SLC6A6: variants seen among roughly 807,000 people sequenced by gnomAD.
The protein encoded by SLC6A6 is solute carrier family 6 member 6, also known as sodium- and chloride-dependent taurine transporter.
Under a neutral mutation model 68.8 loss-of-function variants are expected in SLC6A6, and 16 were observed. The ratio of observed to expected loss-of-function variants is 0.23; its 90% CI spans 0.16 to 0.35. SLC6A6 has a LOEUF of 0.35. Among genes scored for constraint, SLC6A6 ranks in the 10% least tolerant of loss-of-function variants. The probability of loss-of-function intolerance (pLI) is 1.00; values close to 1 mark genes in which losing one functional copy is unlikely to be tolerated. For synonymous variants in SLC6A6, 312 were observed against 315.4 expected (o/e 0.99, Z 0.12); for missense variants, 474 against 802.8 (o/e 0.59, Z 4.95).
chr3:14,443,489 A>G, intron 2 of SLC6A6, 135 bp from the exon 3 acceptor site: 2 of 633,004 alleles, frequency 3.2e-6, no homozygotes, highest in South Asian at 1.9e-5. Context: ...CATTGGACAG[A>G]CAGGGATGCC....
chr3:14,434,229 C>G (rs1381835208), intron 2 of SLC6A6, among the ~76,000 whole-genome samples: 1 of 152,182 alleles, frequency 6.6e-6, no homozygotes, highest in African/African-American at 2.4e-5. Flanking sequence ...CTTTACTTCT[C>G]TGGGCCTCTT....
In SLC6A6 at chr3:14,472,324, A is replaced by G. The variant is rs1243001039; in HGVS notation, c.1209+7A>G. 2.0e-6 allele frequency: 3 copies of G among 1,536,728 alleles called. No homozygotes were observed. Among genetic ancestry groups the G allele is most frequent in the Non-Finnish European group, 2.7e-6 (3 of 1,109,562 alleles). ...GCTTGGACTGGATAGCCAGGTGCGT[A>G]TAAGGGATGGCCCTGGGGCGACTGC... On this transcript the variant is annotated splice_region_variant and intron_variant, in intron 10 of 14. Transcript: ENST00000622186. This position sits in a 1 kb window ranked among gnomAD's most constrained non-coding sequence, Gnocchi z 4.5.
chr3:14,404,064 C>G (rs1699049541), intron 1 of SLC6A6, among the ~76,000 whole-genome samples: 1 of 152,228 alleles, frequency 6.6e-6, no homozygotes, highest in Non-Finnish European at 1.5e-5. Context: ...AATGGAGGGT[C>G]TTCGGGCTGA....
intron 2 of SLC6A6, 137 bp downstream of exon 2, chr3:14,416,590 G>A: frequency 2.5e-6 from 1 of 395,556 alleles, no homozygotes; most frequent in East Asian, 3.6e-5. Flanking sequence ...CACAGACCTT[G>A]TCCACACCTC....
Position 14,458,102 on chromosome 3 carries a change from G to A in SLC6A6, c.732+20G>A, listed in dbSNP as rs533640088. The A allele has an allele frequency of 3.4e-4, 542 of 1,610,042 alleles. 7 individuals are homozygous for A. The South Asian group carries it at 5.4e-3, about 16-fold the overall frequency. On this transcript the variant is annotated intron_variant, in intron 6 of 14. Coordinates refer to ENST00000622186, the MANE Select transcript of SLC6A6 (RefSeq NM_003043.6). ...GGGAAGGTAAGTTGGACTTCTGTCC[G>A]TCCCCTGCCTCCTGGAGAGCTGTGC... is the stretch of plus-strand genomic sequence containing the variant.
rs1023985110 is a variant in SLC6A6 at position 14,402,725 on chromosome 3, C to T, written c.-176C>T. Reference sequence around the variant, plus strand: ...GAGGACCGCAAGCCCAGAGGACAAGCTGCGCCAAGAGGGAGTGCGGAGCGT... The same window carrying T: ...GAGGACCGCAAGCCCAGAGGACAAGTTGCGCCAAGAGGGAGTGCGGAGCGT... On this transcript the variant is annotated 5_prime_UTR_variant, in exon 1 of 15. Coordinates refer to ENST00000622186, the MANE Select transcript of SLC6A6 (RefSeq NM_003043.6). The surrounding 1 kb of genome is among the most constrained non-coding windows in gnomAD (Gnocchi z 4.8). 7.5e-6 allele frequency: 3 copies of T among 398,102 alleles called. No homozygotes were observed. The highest frequency in any genetic ancestry group is 6.2e-5 in the African/African-American group (3 of 48,614). 24.7% of individuals were successfully genotyped at this position (398,102 alleles called of 1,614,324 possible). A position where few individuals can be genotyped will look rare whatever the true frequency, so the allele number is the denominator to read the frequency against.
chr3:14,428,770 G>T (rs981696896), intron 2 of SLC6A6, among the ~76,000 whole-genome samples: 1 of 152,158 alleles, frequency 6.6e-6, no homozygotes. Flanking sequence ...CAGAGCCTCC[G>T]CTGGCCTTTC....
At chr3:14,449,492 C>G (rs970439434) in intron 5 of SLC6A6, among the ~76,000 whole-genome samples, 3 of 152,216 alleles carry the variant, frequency 2.0e-5, no homozygotes, top group African/African-American at 7.2e-5. Context: ...GGGCCTTCCC[C>G]ACTCCTGGAC....
intron 2 of SLC6A6, among the ~76,000 whole-genome samples, chr3:14,433,056 G>A (rs528670000): frequency 2.0e-5 from 3 of 151,752 alleles, no homozygotes; most frequent in African/African-American, 7.3e-5. Context: ...TTAACAAAAC[G>A]AGCCCCTCCC....
Position 14,485,027 on chromosome 3 carries a change from G to A in SLC6A6, c.*20G>A. ...ATGTGAGCTCTCTCGGGTCGACGGG[G>A]CCGGCGGCTTTCCTGCTGTTTACTA... On this transcript the variant is annotated 3_prime_UTR_variant, in exon 15 of 15. Coordinates refer to ENST00000622186, the MANE Select transcript of SLC6A6 (RefSeq NM_003043.6). 1.3e-6 allele frequency: 2 copies of A among 1,591,268 alleles called. No individual in the cohort carries two copies. The highest frequency in any genetic ancestry group is 1.7e-6 in the Non-Finnish European group (2 of 1,163,406).
chr3:14,470,789 G>C (rs1379027203), intron 9 of SLC6A6, among the ~76,000 whole-genome samples: 2 of 152,128 alleles, frequency 1.3e-5, no homozygotes, highest in Non-Finnish European at 2.9e-5. Flanking sequence ...CGGGTCCTGG[G>C]GTCCATATTT....
intron 11 of SLC6A6, 37 bp from the exon 12 acceptor site, chr3:14,478,429 G>A (rs1178771963): frequency 1.2e-5 from 15 of 1,298,614 alleles, no homozygotes; most frequent in Middle Eastern, 1.8e-4. Context: ...TGGAGACCAG[G>A]TAGGAAATCG....
At chr3:14,474,737 C>T (rs1156609695) in intron 10 of SLC6A6, among the ~76,000 whole-genome samples, 1 of 152,240 alleles carries the variant, frequency 6.6e-6, no homozygotes, top group Non-Finnish European at 1.5e-5. Flanking sequence ...TGTCTCTTAC[C>T]TGCTAGTTTG....
At chr3:14,425,801 T>G (rs916808913) in intron 2 of SLC6A6, among the ~76,000 whole-genome samples, 2 of 152,144 alleles carry the variant, frequency 1.3e-5, no homozygotes, top group Non-Finnish European at 2.9e-5. Flanking sequence ...ATCAGTTTCA[T>G]TGAGATTGGT....
At chr3:14,409,421 C>G (rs974494621) in intron 1 of SLC6A6, among the ~76,000 whole-genome samples, 2 of 152,214 alleles carry the variant, frequency 1.3e-5, no homozygotes, top group African/African-American at 4.8e-5. Flanking sequence ...GGTGCTTTAT[C>G]CCCCTTCCTG....
chr3:14,468,554 C>T lies in SLC6A6; in HGVS notation c.1096+342C>T, dbSNP rs1700678655. Among the ~76,000 whole-genome samples, 1 of 152,074 alleles carries T rather than the reference C, an allele frequency of 6.6e-6. No homozygotes were observed. Among genetic ancestry groups the T allele is most frequent in the South Asian group, 2.1e-4 (1 of 4,820 alleles). On this transcript the variant is annotated intron_variant, in intron 9 of 14. Transcript: ENST00000622186. This position sits in a 1 kb window ranked among gnomAD's most constrained non-coding sequence, Gnocchi z 4.5. Reference sequence around the variant, plus strand: ...AGAAACCACTTTCCTAACTCAGGCCCAAGTCAGCCACCAATCGGCATTCCA... The same window carrying T: ...AGAAACCACTTTCCTAACTCAGGCCTAAGTCAGCCACCAATCGGCATTCCA...
At chr3:14,419,041 TAG>T (rs998090287) in intron 2 of SLC6A6, among the ~76,000 whole-genome samples, 4 of 152,180 alleles carry the variant, frequency 2.6e-5, no homozygotes, top group South Asian at 2.1e-4. Flanking sequence ...TGCTTCCAGA[TAG>T]AGTCTTGTGC....
intron 10 of SLC6A6, among the ~76,000 whole-genome samples, chr3:14,474,459 C>G (rs116014568): frequency 6.6e-6 from 1 of 152,198 alleles, no homozygotes; most frequent in African/African-American, 2.4e-5. Context: ...CCATCACCAC[C>G]GTCCGTCTCC....
intron 6 of SLC6A6, among the ~76,000 whole-genome samples, chr3:14,460,471 G>A (rs1023943144): frequency 6.6e-6 from 1 of 152,126 alleles, no homozygotes; most frequent in African/African-American, 2.4e-5. Context: ...TGAGCCAGGT[G>A]AGTATGTGGA....
Sources: gnomAD v4.1 joint callset for allele counts (sites outside exome capture counted in the v4.1 genomes callset) on GRCh38, gnomAD v4.1.1 for gene constraint, Gnocchi (gnomAD v3.1) non-coding constraint, MANE v1.5 for transcripts, NCBI Gene and HGNC (gene_info 2026-07-23, HGNC 2026-07-21) for gene names.